Variants in KIAA0825 observed in about 807,000 individuals in gnomAD.
KIAA0825 encodes uncharacterized protein KIAA0825.
Under a neutral mutation model 147.6 loss-of-function variants are expected in KIAA0825, and 119 were observed. The ratio of observed to expected loss-of-function variants is 0.81; its 90% confidence interval spans 0.69 to 0.94. The LOEUF (loss-of-function observed/expected upper bound fraction) is 0.94. Among genes scored for constraint, KIAA0825 ranks in the 40% least tolerant of loss-of-function variants. KIAA0825 has a pLI of 0.00. For missense variants in KIAA0825, 1,381 were observed against 1,472.7 expected (o/e 0.94, Z 1.02); for synonymous variants, 470 against 518.1 (o/e 0.91, Z 1.26).
intron 3 of KIAA0825, among the ~76,000 whole-genome samples, chr5:94,532,174 G>T (rs1320985425): frequency 6.6e-6 from 1 of 152,118 alleles, no homozygotes; most frequent in African/African-American, 2.4e-5. Context: ...TTGAGACAGG[G>T]TCTCACATTG....
chr5:94,256,534 T>C (rs370292888), intron 20 of KIAA0825, among the ~76,000 whole-genome samples: 49 of 152,320 alleles, frequency 3.2e-4, no homozygotes, highest in African/African-American at 1.0e-3. Context: ...ACTCTTATGC[T>C]GCACAGATTT....
At chr5:94,413,036 C>T (rs941819200) in intron 15 of KIAA0825, 1 of 151,554 alleles carries the variant, frequency 6.6e-6, no homozygotes, top group Non-Finnish European at 1.5e-5. Context: ...ACTGCAACCT[C>T]CACCTCCCGG....
Position 94,153,773 on chromosome 5 carries a change from T to C in KIAA0825, c.*234A>G, listed in dbSNP as rs1766780686. The C allele has an allele frequency of 5.7e-6, 2 of 353,954 alleles. No homozygotes were observed. The highest frequency in any genetic ancestry group is 2.1e-5 in the African/African-American group (1 of 48,030). 21.9% of individuals were successfully genotyped at this position (353,954 alleles called of 1,614,324 possible). A position where few individuals can be genotyped will look rare whatever the true frequency, so the allele number is the denominator to read the frequency against. On this transcript the variant is annotated 3_prime_UTR_variant, in exon 21 of 21. Coordinates refer to ENST00000682413, the MANE Select transcript of KIAA0825 (RefSeq NM_001145678.3). Reference sequence around the variant, plus strand: ...AGGGAACACGAGATGGCAGCAGTTATATCATATAAAGAGAAAGATTGGGGA... The same window carrying C: ...AGGGAACACGAGATGGCAGCAGTTACATCATATAAAGAGAAAGATTGGGGA...
intron 1 of KIAA0825, chr5:94,594,813 A>C: frequency 4.2e-6 from 2 of 480,338 alleles, no homozygotes; most frequent in Non-Finnish European, 8.0e-6. Flanking sequence ...ATTTAAAATG[A>C]GTGTTATCAT....
intron 1 of KIAA0825, among the ~76,000 whole-genome samples, chr5:94,617,442 A>G (rs1739476047): frequency 6.6e-6 from 1 of 152,184 alleles, no homozygotes; most frequent in African/African-American, 2.4e-5. Flanking sequence ...CCTGGTGTTA[A>G]CAGGGGCCTT....
At chr5:94,230,829 G>A (rs10514382) in intron 20 of KIAA0825, among the ~76,000 whole-genome samples, 13,036 of 152,164 alleles carry the variant, frequency 0.086, 716 homozygotes, top group Middle Eastern at 0.14. Context: ...ATACACATCA[G>A]ATCTTCCTCA....
intron 20 of KIAA0825, among the ~76,000 whole-genome samples, chr5:94,365,944 G>A (rs1049871903): frequency 1.3e-4 from 20 of 152,026 alleles, no homozygotes; most frequent in Admixed American, 3.3e-4. Flanking sequence ...TGCAGACTCC[G>A]CGCTCAATAA....
At chr5:94,408,790 C>T (rs553025508) in intron 15 of KIAA0825, among the ~76,000 whole-genome samples, 5 of 152,138 alleles carry the variant, frequency 3.3e-5, no homozygotes, top group South Asian at 2.1e-4. Flanking sequence ...AAGAGAAGAA[C>T]GTACACTATG....
chr5:94,300,794 T>C (rs1004319523), intron 20 of KIAA0825, among the ~76,000 whole-genome samples: 1 of 152,192 alleles, frequency 6.6e-6, no homozygotes, highest in African/African-American at 2.4e-5. Context: ...GAAGCAACTT[T>C]TCTGTTATAG....
chr5:94,221,768 T>C (rs1583892245), intron 20 of KIAA0825, among the ~76,000 whole-genome samples: 1 of 152,180 alleles, frequency 6.6e-6, no homozygotes, highest in African/African-American at 2.4e-5. Context: ...AAGTTCCTCC[T>C]GTTATTGGAG....
chr5:94,541,383 C>T (rs548288690), intron 2 of KIAA0825, among the ~76,000 whole-genome samples: 51 of 152,244 alleles, frequency 3.3e-4, no homozygotes, highest in South Asian at 8.3e-4. Context: ...CACGCAAGGC[C>T]TGTAAGGAAA....
intron 1 of KIAA0825, among the ~76,000 whole-genome samples, chr5:94,586,243 A>C (rs1783261755): frequency 6.6e-6 from 1 of 152,208 alleles, no homozygotes; most frequent in Admixed American, 6.5e-5. Context: ...AAAATCAATG[A>C]ATCCAGGAGC....
chr5:94,357,526 CAA>C (rs1031428409), intron 20 of KIAA0825, among the ~76,000 whole-genome samples: 3 of 152,236 alleles, frequency 2.0e-5, no homozygotes, highest in Admixed American at 2.0e-4. Context: ...ATCTTAAAGA[CAA>C]AAGAGGCGGA....
chr5:94,346,177 T>TACTTG (rs1782966619), intron 20 of KIAA0825, among the ~76,000 whole-genome samples: 1 of 152,128 alleles, frequency 6.6e-6, no homozygotes, highest in Non-Finnish European at 1.5e-5. Context: ...TCTCCTCCCT[T>TACTTG]ACTATCATTC....
intron 2 of KIAA0825, among the ~76,000 whole-genome samples, chr5:94,544,671 T>C (rs1773980165): frequency 6.6e-6 from 1 of 152,196 alleles, no homozygotes; most frequent in South Asian, 2.1e-4. Flanking sequence ...AAAGTAAATA[T>C]ATGTGCTTAG....
intron 20 of KIAA0825, among the ~76,000 whole-genome samples, chr5:94,281,212 C>T (rs1329273665): frequency 6.8e-6 from 1 of 146,242 alleles, no homozygotes; most frequent in Admixed American, 6.7e-5. Flanking sequence ...CACACACACA[C>T]ACACACACAC....
At position 94,462,458 on chromosome 5, in the gene KIAA0825, T is replaced by C; in HGVS notation, c.2175A>G (p.Lys725=). Residue 725 remains lysine, a synonymous_variant, in exon 12 of 21, where the codon AAA becomes AAG. Coordinates refer to ENST00000682413, the MANE Select transcript of KIAA0825 (RefSeq NM_001145678.3). ...PHQHTDDKIF[K]IHTHCNNLFT... is the part of the protein sequence containing the mutation. ...ACAGATTATTACAATGAGTGTGAAT[T>C]TTAAAAATTTTATCATCTGTATGCT... is the stretch of plus-strand genomic sequence containing the variant. 6.5e-7 allele frequency: 1 copy of C among 1,528,760 alleles called. No individual in the cohort carries two copies. The highest frequency in any genetic ancestry group is 8.9e-7 in the Non-Finnish European group (1 of 1,127,780). 94.7% of individuals were successfully genotyped at this position (1,528,760 alleles called of 1,614,324 possible). A position where few individuals can be genotyped will look rare whatever the true frequency, so the allele number is the denominator to read the frequency against.
intron 15 of KIAA0825, among the ~76,000 whole-genome samples, chr5:94,407,792 G>C (rs1752258574): frequency 6.6e-6 from 1 of 152,132 alleles, no homozygotes; most frequent in Admixed American, 6.5e-5. Flanking sequence ...AAAAACCACT[G>C]AACTGTGATA....
In KIAA0825 at chr5:94,152,903, T is replaced by TATAG. The variant is rs1386044229; in HGVS notation, c.*1103_*1104insCTAT. The TATAG allele has an allele frequency of 9.9e-5, 2 of 20,244 alleles. No individual in the cohort carries two copies. The highest frequency in any genetic ancestry group is 1.9e-4 in the Non-Finnish European group (2 of 10,786). The allele number at this position is 20,244 out of a possible 1,614,324, so 1.3% of individuals were successfully genotyped here. On this transcript the variant is annotated 3_prime_UTR_variant, in exon 21 of 21. Coordinates refer to ENST00000682413, the MANE Select transcript of KIAA0825 (RefSeq NM_001145678.3). Reference sequence around the variant, plus strand: ...ATATATATATATATATATATATATATGGTTTCTCCCAGACGTTCTTAGACT... The same window carrying TATAG: ...ATATATATATATATATATATATATATATAGGGTTTCTCCCAGACGTTCTTAGACT...
Sources: gnomAD v4.1 joint callset for allele counts (sites outside exome capture counted in the v4.1 genomes callset) on GRCh38, gnomAD v4.1.1 for gene constraint, MANE v1.5 for transcripts, NCBI Gene and HGNC (gene_info 2026-07-23, HGNC 2026-07-21) for gene names.